CCSER1: variants seen among roughly 807,000 people sequenced by gnomAD.
CCSER1 encodes serine-rich coiled-coil domain-containing protein 1.
In CCSER1, 41 loss-of-function variants were observed where a neutral mutation model predicts 82.0. The observed-to-expected ratio is 0.50, with a 90% confidence interval of 0.39 to 0.65. The LOEUF is 0.65. Ranked by LOEUF, CCSER1 falls within the 30% of genes least tolerant of loss-of-function variation. The pLI is 0.00. For missense variants in CCSER1, 1,119 were observed against 1,064.2 expected (o/e 1.05, Z -0.72); for synonymous variants, 414 against 383.9 (o/e 1.08, Z -0.92).
At chr4:90,608,536 G>T (rs1785032352) in intron 5 of CCSER1, among the ~76,000 whole-genome samples, 1 of 152,052 alleles carries the variant, frequency 6.6e-6, no homozygotes, top group African/African-American at 2.4e-5. Context: ...AATATACAAG[G>T]CATATACACC....
At chr4:90,762,639 A>T (rs1481099974) in intron 7 of CCSER1, among the ~76,000 whole-genome samples, 2 of 152,156 alleles carry the variant, frequency 1.3e-5, no homozygotes. Context: ...ATGGCTTCTA[A>T]TAATAGCACT....
At chr4:91,163,322 A>G (rs1005143006) in intron 10 of CCSER1, among the ~76,000 whole-genome samples, 3 of 152,222 alleles carry the variant, frequency 2.0e-5, no homozygotes, top group Non-Finnish European at 4.4e-5. Flanking sequence ...CTGTTCTTTT[A>G]CATTGGCTGA....
chr4:90,930,878 G>C (rs1465129645), intron 9 of CCSER1, among the ~76,000 whole-genome samples: 1 of 133,978 alleles, frequency 7.5e-6, no homozygotes, highest in Non-Finnish European at 1.6e-5. Flanking sequence ...CTACAATCAG[G>C]AAAAATTTGC....
chr4:90,132,056 T>A lies in CCSER1; in HGVS notation c.-42+4225T>A, dbSNP rs540135880. Among the ~76,000 whole-genome samples, 34 of 152,284 alleles carry A rather than the reference T, an allele frequency of 2.2e-4. No individual in the cohort carries two copies. The South Asian group carries it at 2.3e-3, about 10-fold the overall frequency. On this transcript the variant is annotated intron_variant, in intron 1 of 10. Coordinates refer to ENST00000509176, the MANE Select transcript of CCSER1 (RefSeq NM_001145065.2). ...ATAACCAAATGGAATTACTTTCAGA[T>A]TAGTTGAATTAAAATATTTTCATAT...
At chr4:90,613,736 C>T (rs1416358724) in intron 5 of CCSER1, among the ~76,000 whole-genome samples, 1 of 152,108 alleles carries the variant, frequency 6.6e-6, no homozygotes, top group Non-Finnish European at 1.5e-5. Flanking sequence ...CTCGAAGGAA[C>T]ATAAAGGAAC....
chr4:90,696,002 A>G (rs1006586803), intron 6 of CCSER1, among the ~76,000 whole-genome samples: 1 of 152,138 alleles, frequency 6.6e-6, no homozygotes, highest in Non-Finnish European at 1.5e-5. Flanking sequence ...GAATAAAAGT[A>G]TGCATGTTCT....
At chr4:91,099,249 T>C (rs866042440) in intron 10 of CCSER1, among the ~76,000 whole-genome samples, 6 of 152,188 alleles carry the variant, frequency 3.9e-5, no homozygotes, top group Admixed American at 6.5e-5. Flanking sequence ...TTGTATAATA[T>C]CAGTGATGAC....
intron 10 of CCSER1, among the ~76,000 whole-genome samples, chr4:91,583,418 G>A (rs1396253031): frequency 6.6e-6 from 1 of 151,266 alleles, no homozygotes; most frequent in African/African-American, 2.4e-5. Flanking sequence ...TTATGGTTCT[G>A]TGTGAATTAT....
chr4:90,283,462 T>C (rs2153461746), intron 1 of CCSER1, among the ~76,000 whole-genome samples: 1 of 152,108 alleles, frequency 6.6e-6, no homozygotes, highest in South Asian at 2.1e-4. Flanking sequence ...TGGAAAAATA[T>C]CAGGATAATT....
intron 3 of CCSER1, among the ~76,000 whole-genome samples, chr4:90,344,663 CATG>C (rs1742009279): frequency 6.6e-6 from 1 of 152,054 alleles, no homozygotes; most frequent in African/African-American, 2.4e-5. Context: ...CTGTTAAATT[CATG>C]ATAAGGTCAA....
chr4:91,121,215 G>A (rs763448240), intron 10 of CCSER1, among the ~76,000 whole-genome samples: 8 of 151,290 alleles, frequency 5.3e-5, no homozygotes, highest in Non-Finnish European at 1.0e-4. Context: ...GTCATATAAA[G>A]TATTTCTTGT....
At chr4:91,451,579 A>G (rs576690601) in intron 10 of CCSER1, among the ~76,000 whole-genome samples, 91 of 152,122 alleles carry the variant, frequency 6.0e-4, no homozygotes, top group African/African-American at 2.0e-3. Context: ...CAAATAATAG[A>G]ATAAGCAAAC....
intron 5 of CCSER1, among the ~76,000 whole-genome samples, chr4:90,564,003 T>G (rs1186680514): frequency 6.6e-6 from 1 of 152,202 alleles, no homozygotes; most frequent in Non-Finnish European, 1.5e-5. Flanking sequence ...GATATCTCAT[T>G]GTGGTTTTGA....
At chr4:91,515,052 A>C (rs1189704202) in intron 10 of CCSER1, among the ~76,000 whole-genome samples, 2 of 152,196 alleles carry the variant, frequency 1.3e-5, no homozygotes. Flanking sequence ...CATATTGAGT[A>C]CTATGTGACC....
chr4:91,066,310 G>T (rs72886666), intron 9 of CCSER1, among the ~76,000 whole-genome samples: 27 of 152,316 alleles, frequency 1.8e-4, no homozygotes. Flanking sequence ...ATTATCTTAA[G>T]GCTGTGAGTC....
At chr4:90,934,140 C>T (rs957364831) in intron 9 of CCSER1, among the ~76,000 whole-genome samples, 7 of 151,710 alleles carry the variant, frequency 4.6e-5, no homozygotes, top group East Asian at 1.9e-4. Context: ...ACACAAATAA[C>T]AATAGGAGGC....
At chr4:90,723,592 A>G (rs1743077944) in intron 6 of CCSER1, among the ~76,000 whole-genome samples, 1 of 151,898 alleles carries the variant, frequency 6.6e-6, no homozygotes, top group East Asian at 1.9e-4. Flanking sequence ...GATACAGTTT[A>G]ATTTAAAAAA....
chr4:90,304,923 AT>A (rs558254374), intron 1 of CCSER1, among the ~76,000 whole-genome samples: 34 of 146,984 alleles, frequency 2.3e-4, no homozygotes, highest in Non-Finnish European at 1.7e-4. Context: ...GGTGTTTTTT[AT>A]TTTTTTTTTT....
intron 5 of CCSER1, among the ~76,000 whole-genome samples, chr4:90,618,144 A>G (rs1414248315): frequency 6.6e-6 from 1 of 152,028 alleles, no homozygotes; most frequent in African/African-American, 2.4e-5. Context: ...TCAAATTGAT[A>G]AAGTTCTGTC....
Sources: allele counts gnomAD v4.1 joint callset (sites outside exome capture counted in the v4.1 genomes callset), GRCh38; gene constraint gnomAD v4.1.1; transcripts MANE v1.5; gene names NCBI Gene and HGNC (gene_info 2026-07-23, HGNC 2026-07-21).